COL24A1: variants seen among roughly 807,000 people sequenced by gnomAD.
The protein encoded by COL24A1 is collagen type XXIV alpha 1 chain.
COL24A1 carries 224 observed loss-of-function variants against 253.9 expected under a neutral mutation model. That is an observed-to-expected ratio of 0.88 (90% CI 0.79 to 0.99). COL24A1 has a LOEUF of 0.99. Among genes scored for constraint, COL24A1 ranks in the 50% least tolerant of loss-of-function variants. COL24A1 has a pLI of 0.00. For synonymous variants in COL24A1, 685 were observed against 673.7 expected (o/e 1.02, Z -0.26); for missense variants, 2,131 against 2,068.5 (o/e 1.03, Z -0.59).
At chr1:85,742,190 C>T (rs952733075) in intron 57 of COL24A1, among the ~76,000 whole-genome samples, 3 of 145,798 alleles carry the variant, frequency 2.1e-5, no homozygotes, top group East Asian at 2.0e-4. Context: ...TGGAGTGTGG[C>T]GGTGTGATCT....
At chr1:85,802,644 A>G (rs191799243) in intron 47 of COL24A1, among the ~76,000 whole-genome samples, 17 of 152,294 alleles carry the variant, frequency 1.1e-4, no homozygotes, top group African/African-American at 3.4e-4. Context: ...GGCATAATAA[A>G]TATACCTATT....
intron 47 of COL24A1, among the ~76,000 whole-genome samples, chr1:85,814,499 C>G (rs1171133175): frequency 6.6e-6 from 1 of 152,136 alleles, no homozygotes; most frequent in African/African-American, 2.4e-5. Context: ...TTGCTAGAAA[C>G]AAGCAACAGA....
At chr1:85,770,096 A>G (rs1300455022) in intron 53 of COL24A1, among the ~76,000 whole-genome samples, 3 of 152,174 alleles carry the variant, frequency 2.0e-5, no homozygotes, top group African/African-American at 7.2e-5. Context: ...CTTCCTTGGA[A>G]ATATAGCTTC....
intron 43 of COL24A1, among the ~76,000 whole-genome samples, chr1:85,828,343 G>C (rs914444108): frequency 7.3e-5 from 11 of 151,540 alleles, no homozygotes; most frequent in African/African-American, 1.7e-4. Context: ...TTACTTCCAA[G>C]TATGTGGTCA....
At chr1:85,885,770 A>G (rs1175867179) in intron 32 of COL24A1, among the ~76,000 whole-genome samples, 1 of 152,208 alleles carries the variant, frequency 6.6e-6, no homozygotes, top group Non-Finnish European at 1.5e-5. Flanking sequence ...CCAAGGCTGG[A>G]CAGGCTGTTG....
intron 55 of COL24A1, among the ~76,000 whole-genome samples, chr1:85,756,804 A>G (rs1328895885): frequency 6.6e-6 from 1 of 152,228 alleles, no homozygotes; most frequent in Non-Finnish European, 1.5e-5. Flanking sequence ...CAAAAGGTAG[A>G]AGCAACGTAA....
chr1:86,096,319 T>C (rs1352168943), intron 5 of COL24A1, among the ~76,000 whole-genome samples: 1 of 152,104 alleles, frequency 6.6e-6, no homozygotes, highest in African/African-American at 2.4e-5. Context: ...ATGAACTAAA[T>C]TGTGAGAATA....
chr1:85,816,956 A>G (rs1291283419), intron 46 of COL24A1, 61 bp from the exon 47 acceptor site: 1 of 1,238,256 alleles, frequency 8.1e-7, no homozygotes, highest in East Asian at 2.3e-5. Context: ...GATGACAAAT[A>G]CTTTTTTATT....
chr1:86,066,536 G>A (rs1701504439), intron 7 of COL24A1, among the ~76,000 whole-genome samples: 1 of 151,700 alleles, frequency 6.6e-6, no homozygotes, highest in Admixed American at 6.6e-5. Context: ...GAGCCACTGC[G>A]CCCTGCTAAA....
chr1:86,062,111 CAT>C (rs1295922188), intron 8 of COL24A1, among the ~76,000 whole-genome samples: 2 of 151,956 alleles, frequency 1.3e-5, no homozygotes, highest in Non-Finnish European at 2.9e-5. Context: ...AGTTAATTAA[CAT>C]ATGTAAAACT....
At chr1:86,066,272 T>C (rs1701475572) in intron 7 of COL24A1, among the ~76,000 whole-genome samples, 1 of 135,532 alleles carries the variant, frequency 7.4e-6, no homozygotes, top group Non-Finnish European at 1.5e-5. Flanking sequence ...AGAGTCTCGC[T>C]CTATCCCTCA....
intron 24 of COL24A1, among the ~76,000 whole-genome samples, chr1:85,933,880 T>G (rs898617184): frequency 2.0e-5 from 3 of 152,180 alleles, no homozygotes; most frequent in African/African-American, 7.2e-5. Flanking sequence ...TGTATTACTA[T>G]TTTAGTTGTC....
chr1:86,120,962 T>A (rs12049014), intron 3 of COL24A1, among the ~76,000 whole-genome samples: 137,165 of 152,228 alleles, frequency 0.9, 61,890 homozygotes, highest in Middle Eastern at 0.99. Context: ...GTATGCAGCC[T>A]TAAAAAAGGA....
In COL24A1 at chr1:85,959,481, G is replaced by C. The variant is rs1690800966; in HGVS notation, c.2562+1768C>G. 3.9e-5 allele frequency among the ~76,000 whole-genome samples: 6 copies of C among 152,052 alleles called. No homozygotes were observed. In the South Asian group the frequency reaches 1.2e-3, roughly 31 times the overall value. On this transcript the variant is annotated intron_variant, in intron 24 of 59. Coordinates refer to ENST00000370571, the MANE Select transcript of COL24A1 (RefSeq NM_152890.7). ...TTTGGATTTTGAGTTTGGAGCTTTG[G>C]GTTTAAATCTCAGTTCAGTAATTTA...
At chr1:85,756,183 G>A (rs1666238611) in intron 55 of COL24A1, among the ~76,000 whole-genome samples, 1 of 152,098 alleles carries the variant, frequency 6.6e-6, no homozygotes. Flanking sequence ...ACTTTGGGAG[G>A]CCGAGGTAGG....
At chr1:85,784,407 A>T (rs1187906082) in intron 48 of COL24A1, 41 bp from the exon 49 acceptor site, 1 of 1,436,120 alleles carries the variant, frequency 7.0e-7, no homozygotes, top group Non-Finnish European at 9.8e-7. Context: ...ACATCAGAAC[A>T]TATAAACATA....
intron 2 of COL24A1, among the ~76,000 whole-genome samples, chr1:86,142,383 C>T (rs1455254182): frequency 2.0e-5 from 3 of 151,304 alleles, no homozygotes; most frequent in African/African-American, 4.9e-5. Flanking sequence ...ATTAGCTGGG[C>T]GTGGTGGTGG....
At chr1:85,972,421 T>A (rs1692260227) in intron 20 of COL24A1, among the ~76,000 whole-genome samples, 3 of 152,170 alleles carry the variant, frequency 2.0e-5, no homozygotes, top group Admixed American at 2.0e-4. Context: ...TATAATATAG[T>A]ATTGTAAGCT....
intron 52 of COL24A1, among the ~76,000 whole-genome samples, chr1:85,780,125 A>G (rs1668999498): frequency 6.6e-6 from 1 of 152,182 alleles, no homozygotes; most frequent in Non-Finnish European, 1.5e-5. Context: ...ACAATCTTAT[A>G]TAGCTCCGAG....
Sources: gnomAD v4.1 joint callset for allele counts (sites outside exome capture counted in the v4.1 genomes callset) on GRCh38, gnomAD v4.1.1 for gene constraint, MANE v1.5 for transcripts, NCBI Gene and HGNC (gene_info 2026-07-23, HGNC 2026-07-21) for gene names.